Variants in CAMTA1 observed in about 807,000 individuals in gnomAD.
CAMTA1 encodes the protein calmodulin binding transcription activator 1, also known as calmodulin-binding transcription activator 1.
A neutral mutation model predicts 170.9 loss-of-function variants in CAMTA1; 27 were observed. The ratio of observed to expected loss-of-function variants is 0.16; its 90% CI spans 0.12 to 0.22. The LOEUF is 0.22. Among genes scored for constraint, CAMTA1 ranks in the 10% least tolerant of loss-of-function variants. CAMTA1 has a pLI of 1.00. For synonymous variants in CAMTA1, 833 were observed against 891.5 expected, an observed-to-expected ratio of 0.93 and a Z score of 1.17; for missense variants, 1,619 against 2,217.2, an observed-to-expected ratio of 0.73 and a Z score of 5.42.
At chr1:7,722,102 T>G (rs559551615) in intron 11 of CAMTA1, among the ~76,000 whole-genome samples, 1 of 152,114 alleles carries the variant, frequency 6.6e-6, no homozygotes, top group Admixed American at 6.6e-5. Flanking sequence ...TAGGAGCTGG[T>G]TTCCTGGCAT....
intron 4 of CAMTA1, among the ~76,000 whole-genome samples, chr1:7,110,407 C>G (rs959162088): frequency 6.6e-6 from 1 of 152,192 alleles, no homozygotes; most frequent in Non-Finnish European, 1.5e-5. Context: ...TTAATCCTCG[C>G]AACAGCTCTT....
chr1:6,964,158 G>A (rs562786500), intron 3 of CAMTA1, among the ~76,000 whole-genome samples: 1 of 152,022 alleles, frequency 6.6e-6, no homozygotes, highest in East Asian at 1.9e-4. Context: ...GAGGATCTGG[G>A]TAGGTTCAGT....
chr1:7,664,161 C>T lies in CAMTA1; in HGVS notation c.1614C>T (p.Ser538=), dbSNP rs1205842805. 6.2e-7 allele frequency: 1 copy of T among 1,612,990 alleles called. No homozygotes were observed. The change falls in exon 9 of 23, where the codon TCC becomes TCT. Residue 538 remains serine (S), a synonymous_variant. Transcript: ENST00000303635. ...LTKEIKTEDT[S]FEQQMAKEAY... The stretch of plus-strand genomic sequence containing the variant: ...AGGAGATCAAGACCGAGGACACCTC[C>T]TTCGAGCAGCAGATGGCCAAAGAAG...
chr1:7,028,040 G>C (rs900502640), intron 3 of CAMTA1, among the ~76,000 whole-genome samples: 5 of 151,968 alleles, frequency 3.3e-5, no homozygotes, highest in Non-Finnish European at 5.9e-5. Flanking sequence ...GAGTAGCTGG[G>C]ACTACAGGCA....
chr1:7,456,892 G>A lies in CAMTA1; in HGVS notation c.439-10938G>A, dbSNP rs935445532. ...ACCCTAAGCAGCAGGCGCTAGAGCT[G>A]ACGAGAACAGCCCATGTGGAGCGTG... is the stretch of plus-strand genomic sequence containing the variant. On this transcript the variant is annotated intron_variant, in intron 5 of 22. Coordinates refer to ENST00000303635, the MANE Select transcript of CAMTA1 (RefSeq NM_015215.4). The surrounding 1 kb of genome is among the most constrained non-coding windows in gnomAD (Gnocchi z 4.9). Among the ~76,000 whole-genome samples, 1 of 152,240 alleles carries A rather than the reference G, an allele frequency of 6.6e-6. No homozygotes were observed. Among genetic ancestry groups the A allele is most frequent in the African/African-American group, 2.4e-5 (1 of 41,468 alleles).
Position 6,931,309 on chromosome 1 carries a change from C to T in CAMTA1, c.234+106099C>T, listed in dbSNP as rs111446460. Among the ~76,000 whole-genome samples, 13 of 152,088 alleles carry T rather than the reference C, an allele frequency of 8.5e-5. 1 individual carries two copies. Among genetic ancestry groups the T allele is most frequent in the African/African-American group, 2.7e-4 (11 of 41,466 alleles). ...ATTTTCAGAGGTAATATGTGTTCGG[C>T]GAGGAAAGGAAAAACAGGAAGGTGA... On this transcript the variant is annotated intron_variant, in intron 3 of 22. Coordinates refer to ENST00000303635, the MANE Select transcript of CAMTA1 (RefSeq NM_015215.4).
intron 4 of CAMTA1, among the ~76,000 whole-genome samples, chr1:7,204,822 CTTTTTTTCTT>C (rs1280276526): frequency 0.018 from 2,027 of 111,246 alleles, 14 homozygotes; most frequent in Middle Eastern, 0.04. Context: ...TTTTTTTTTT[CTTTTTTTCTT>C]TTTTTTTTTT....
At chr1:6,928,032 C>G (rs575918375) in intron 3 of CAMTA1, among the ~76,000 whole-genome samples, 1 of 152,304 alleles carries the variant, frequency 6.6e-6, no homozygotes, top group African/African-American at 2.4e-5. Flanking sequence ...AGGCTCCACT[C>G]TCTCCGCTCC....
intron 11 of CAMTA1, among the ~76,000 whole-genome samples, chr1:7,683,043 T>C (rs946069860): frequency 3.3e-5 from 5 of 152,076 alleles, no homozygotes; most frequent in Non-Finnish European, 7.4e-5. Context: ...GGCGTGGTGG[T>C]GAGCGCCTGT....
chr1:7,214,029 T>A (rs1659294274), intron 4 of CAMTA1, among the ~76,000 whole-genome samples: 1 of 152,220 alleles, frequency 6.6e-6, no homozygotes, highest in South Asian at 2.1e-4. Context: ...TTGGGTTGGT[T>A]CCAAGTCTTT....
At position 7,636,543 on chromosome 1, in the gene CAMTA1, C is replaced by T. The variant is rs181333393; in HGVS notation, c.511-3857C>T. Among the ~76,000 whole-genome samples, 93 of 152,176 alleles carry T rather than the reference C, an allele frequency of 6.1e-4. 1 individual carries two copies. The highest frequency in any genetic ancestry group is 2.0e-3 in the African/African-American group (84 of 41,522). On this transcript the variant is annotated intron_variant, in intron 6 of 22. Coordinates refer to ENST00000303635, the MANE Select transcript of CAMTA1 (RefSeq NM_015215.4). ...ACCAGCCTGGCCAACGTGGTGAAAC[C>T]CCATCTCTACTAAAAATTAGCCGGG...
At chr1:7,526,340 G>C (rs568092704) in intron 6 of CAMTA1, among the ~76,000 whole-genome samples, 82 of 152,174 alleles carry the variant, frequency 5.4e-4, no homozygotes, top group Admixed American at 9.8e-4. Flanking sequence ...AAAGCCCCAG[G>C]CCCACCTCTG....
intron 3 of CAMTA1, among the ~76,000 whole-genome samples, chr1:6,936,623 T>C (rs1398275097): frequency 6.6e-6 from 1 of 152,194 alleles, no homozygotes; most frequent in Non-Finnish European, 1.5e-5. Flanking sequence ...GAGCTCTGGC[T>C]TATGGATTTG....
At chr1:7,480,416 TGAGA>T (rs368317989) in intron 6 of CAMTA1, among the ~76,000 whole-genome samples, 3 of 148,668 alleles carry the variant, frequency 2.0e-5, no homozygotes, top group South Asian at 2.1e-4. Flanking sequence ...TGTGTGTGTG[TGAGA>T]GAGAGAGACA....
chr1:6,979,341 A>G (rs2149633019), intron 3 of CAMTA1, among the ~76,000 whole-genome samples: 1 of 152,206 alleles, frequency 6.6e-6, no homozygotes, highest in East Asian at 1.9e-4. Flanking sequence ...TCCTGGGCCT[A>G]TTTTGCCCAG....
chr1:6,904,846 G>A (rs1436132327), intron 3 of CAMTA1, among the ~76,000 whole-genome samples: 1 of 145,232 alleles, frequency 6.9e-6, no homozygotes, highest in Non-Finnish European at 1.5e-5. Context: ...TCCCGCCTCA[G>A]CCTTCCAAAC....
chr1:7,419,418 A>G (rs962906061), intron 5 of CAMTA1, among the ~76,000 whole-genome samples: 2 of 152,072 alleles, frequency 1.3e-5, no homozygotes, highest in African/African-American at 4.8e-5. Flanking sequence ...CGGCCTCCCA[A>G]AGTGCTGGGA....
intron 4 of CAMTA1, among the ~76,000 whole-genome samples, chr1:7,096,664 C>T (rs540720851): frequency 6.6e-5 from 10 of 152,272 alleles, no homozygotes; most frequent in Admixed American, 2.6e-4. Context: ...TCAGTGTTTC[C>T]GACTGTAATT....
chr1:7,685,235 T>C lies in CAMTA1; in HGVS notation c.2914+7502T>C, dbSNP rs1364930598. Among the ~76,000 whole-genome samples, 5 of 152,200 alleles carry C rather than the reference T, an allele frequency of 3.3e-5. No individual in the cohort carries two copies. The highest frequency in any genetic ancestry group is 2.6e-4 in the Admixed American group (4 of 15,292). On this transcript the variant is annotated intron_variant, in intron 11 of 22. Transcript: ENST00000303635. The surrounding 1 kb of genome is among the most constrained non-coding windows in gnomAD (Gnocchi z 5.7). ...CGTTCAGTGTTTATTGAGCATTTAC[T>C]ATATACACAGCAATACGTATTTAGG...
Sources: allele counts gnomAD v4.1 joint callset (sites outside exome capture counted in the v4.1 genomes callset), GRCh38; gene constraint gnomAD v4.1.1; non-coding constraint Gnocchi (gnomAD v3.1); transcripts MANE v1.5; gene names NCBI Gene and HGNC (gene_info 2026-07-23, HGNC 2026-07-21).